Variants in PAX5 observed in about 807,000 individuals in gnomAD.
PAX5 encodes the protein paired box protein Pax-5.
PAX5 carries 9 observed loss-of-function variants against 43.7 expected under a neutral mutation model. The ratio of observed to expected loss-of-function variants is 0.21; its 90% confidence interval spans 0.12 to 0.36. PAX5 has a LOEUF of 0.36. Among genes scored for constraint, PAX5 ranks in the 10% least tolerant of loss-of-function variants. The probability of loss-of-function intolerance (pLI) is 1.00; values close to 1 mark genes in which losing one functional copy is unlikely to be tolerated. For synonymous variants in PAX5, 228 were observed against 214.3 expected (o/e 1.06, Z -0.56); for missense variants, 383 against 532.7 (o/e 0.72, Z 2.77).
At chr9:36,850,841 C>T (rs1823090370) in intron 8 of PAX5, among the ~76,000 whole-genome samples, 1 of 152,180 alleles carries the variant, frequency 6.6e-6, no homozygotes, top group Non-Finnish European at 1.5e-5. Flanking sequence ...AAACACGTGC[C>T]TCCAACTTCT....
chr9:36,835,579 G>A lies in PAX5; in HGVS notation c.*4981C>T. 4.3e-6 allele frequency: 1 copy of A among 233,452 alleles called. No homozygotes were observed. Among genetic ancestry groups the A allele is most frequent in the Non-Finnish European group, 8.5e-6 (1 of 118,104 alleles). 14.5% of individuals were successfully genotyped at this position (233,452 alleles called of 1,614,324 possible). A position where few individuals can be genotyped will look rare whatever the true frequency, so the allele number is the denominator to read the frequency against. On this transcript the variant is annotated 3_prime_UTR_variant, in exon 10 of 10. Transcript: ENST00000358127. Reference sequence around the variant, plus strand: ...GGGGCAAGGGGCTGAAGGGGCTGCTGGGAGGTGGGGCACGCCGTGGGCTAG... The same window carrying A: ...GGGGCAAGGGGCTGAAGGGGCTGCTAGGAGGTGGGGCACGCCGTGGGCTAG...
At chr9:37,005,120 A>AAT (rs1838280806) in intron 4 of PAX5, among the ~76,000 whole-genome samples, 1 of 152,214 alleles carries the variant, frequency 6.6e-6, no homozygotes, top group Non-Finnish European at 1.5e-5. Flanking sequence ...GCTACAAGTG[A>AAT]AATCTCAGCC....
chr9:37,032,788 G>A (rs1040113034), intron 1 of PAX5, among the ~76,000 whole-genome samples: 1 of 152,200 alleles, frequency 6.6e-6, no homozygotes, highest in Non-Finnish European at 1.5e-5. Flanking sequence ...AGGGCAGATG[G>A]AGGCCTACTG....
intron 7 of PAX5, among the ~76,000 whole-genome samples, chr9:36,904,339 C>T (rs1164023893): frequency 1.3e-5 from 2 of 152,164 alleles, no homozygotes; most frequent in Non-Finnish European, 1.5e-5. Flanking sequence ...CCACACTATC[C>T]TTAACATGGG....
At chr9:36,976,117 TC>T (rs1398739431) in intron 5 of PAX5, among the ~76,000 whole-genome samples, 1 of 152,182 alleles carries the variant, frequency 6.6e-6, no homozygotes, top group African/African-American at 2.4e-5. Flanking sequence ...CTCGCCTACT[TC>T]TAAGACAGAT....
chr9:36,987,883 G>A (rs1351997622), intron 5 of PAX5, among the ~76,000 whole-genome samples: 1 of 152,210 alleles, frequency 6.6e-6, no homozygotes, highest in Admixed American at 6.5e-5. Context: ...GTTCTTAACT[G>A]ATAAAATGTG....
chr9:36,920,075 G>A (rs1830042456), intron 7 of PAX5, among the ~76,000 whole-genome samples: 1 of 152,132 alleles, frequency 6.6e-6, no homozygotes, highest in South Asian at 2.1e-4. Flanking sequence ...ATCTCATGAT[G>A]AAACTTTAGT....
Position 36,834,420 on chromosome 9 carries a change from G to GTGTGTGTA in PAX5, c.*6139_*6140insTACACACA. 6.3e-6 allele frequency: 1 copy of GTGTGTGTA among 159,052 alleles called. No individual in the cohort carries two copies. Among genetic ancestry groups the GTGTGTGTA allele is most frequent in the Non-Finnish European group, 1.1e-5 (1 of 90,674 alleles). 9.9% of individuals were successfully genotyped at this position (159,052 alleles called of 1,614,324 possible). On this transcript the variant is annotated 3_prime_UTR_variant, in exon 10 of 10. Coordinates refer to ENST00000358127, the MANE Select transcript of PAX5 (RefSeq NM_016734.3). ...CTGAGGTGTAGGGGAGTGAGTGAGT[G>GTGTGTGTA]TGTGTGTGTGTGTGTGTGTGTGTGT...
In PAX5 at chr9:37,005,838, C is replaced by T. The variant is rs554143058; in HGVS notation, c.475+635G>A. The stretch of plus-strand genomic sequence containing the variant: ...CCTTAAATAGACACATGTCATTTCA[C>T]AATCTTTGAAGGGAAGACAAAGGAC... On this transcript the variant is annotated intron_variant, in intron 4 of 9. Coordinates refer to ENST00000358127, the MANE Select transcript of PAX5 (RefSeq NM_016734.3). 2.0e-5 allele frequency among the ~76,000 whole-genome samples: 3 copies of T among 152,320 alleles called. No individual in the cohort carries two copies. In the South Asian group the frequency reaches 6.2e-4, roughly 32 times the overall value.
chr9:36,993,241 T>G (rs1837086682), intron 5 of PAX5, among the ~76,000 whole-genome samples: 1 of 152,236 alleles, frequency 6.6e-6, no homozygotes, highest in African/African-American at 2.4e-5. Flanking sequence ...GTTTGGAAGA[T>G]TCGGTTCTTT....
At chr9:36,986,167 C>T (rs1836393404) in intron 5 of PAX5, among the ~76,000 whole-genome samples, 1 of 151,690 alleles carries the variant, frequency 6.6e-6, no homozygotes. Flanking sequence ...CCCGGGGCCC[C>T]GGAAAGCTGG....
At chr9:36,961,127 A>C (rs1833936764) in intron 6 of PAX5, among the ~76,000 whole-genome samples, 1 of 152,196 alleles carries the variant, frequency 6.6e-6, no homozygotes, top group African/African-American at 2.4e-5. Flanking sequence ...GTCGAGGTTC[A>C]GGCCATCCCT....
At position 36,839,523 on chromosome 9, in the gene PAX5, A is replaced by G; in HGVS notation, c.*1037T>C. ...TAATTATTGTCTACATCACCGGAAC[A>G]GGCTTGCCCAGAATCCACTTGCTGG... On this transcript the variant is annotated 3_prime_UTR_variant, in exon 10 of 10. Transcript: ENST00000358127. 1 of 233,356 alleles carries G rather than the reference A, an allele frequency of 4.3e-6. No individual in the cohort carries two copies. Among genetic ancestry groups the G allele is most frequent in the East Asian group, 6.0e-5 (1 of 16,598 alleles). 14.5% of individuals were successfully genotyped at this position (233,356 alleles called of 1,614,324 possible).
Position 36,841,162 on chromosome 9 carries a change from C to T in PAX5, c.1100-526G>A, listed in dbSNP as rs77722416. Among the ~76,000 whole-genome samples the T allele has an allele frequency of 1.5e-3, 223 of 152,348 alleles. 1 individual carries two copies. The highest frequency in any genetic ancestry group is 4.9e-3 in the African/African-American group (204 of 41,580). On this transcript the variant is annotated intron_variant, in intron 9 of 9. Transcript: ENST00000358127. ...CCAGCATCTCTGAATTCATTTCCCT[C>T]AGGGAAGGCCCCTCCTGCCCACACT... is the stretch of plus-strand genomic sequence containing the variant.
intron 7 of PAX5, among the ~76,000 whole-genome samples, chr9:36,911,069 G>C (rs576038435): frequency 8.9e-4 from 135 of 152,250 alleles, no homozygotes; most frequent in African/African-American, 2.9e-3. Context: ...ATTTTACAGA[G>C]ATCCCCCCAG....
rs77073989 is a variant in PAX5 at position 36,959,765 on chromosome 9, G to A, written c.780+6784C>T. Among the ~76,000 whole-genome samples, 381 of 152,340 alleles carry A rather than the reference G, an allele frequency of 2.5e-3. 2 individuals carry two copies. Among genetic ancestry groups the A allele is most frequent in the African/African-American group, 8.9e-3 (370 of 41,582 alleles). ...AAACTATCCATCTCTAAGAGTCAGT[G>A]GGCAGCCTGTGCTGCAACTGGGGGG... On this transcript the variant is annotated intron_variant, in intron 6 of 9. Transcript: ENST00000358127.
intron 5 of PAX5, among the ~76,000 whole-genome samples, chr9:36,979,708 C>T (rs761541856): frequency 2.0e-5 from 3 of 152,310 alleles, no homozygotes; most frequent in Non-Finnish European, 4.4e-5. Context: ...GTCTCACCTC[C>T]TCAGTGCCTT....
chr9:37,011,610 A>G (rs1838937881), intron 3 of PAX5, among the ~76,000 whole-genome samples: 1 of 152,220 alleles, frequency 6.6e-6, no homozygotes, highest in Non-Finnish European at 1.5e-5. Flanking sequence ...ACGTTTGTCC[A>G]TAAGAAGTCA....
At position 36,833,874 on chromosome 9, in the gene PAX5, T is replaced by TC; in HGVS notation, c.*6685_*6686insG. The TC allele has an allele frequency of 4.3e-6, 1 of 231,924 alleles. No individual in the cohort carries two copies. Among genetic ancestry groups the TC allele is most frequent in the African/African-American group, 2.2e-5 (1 of 45,142 alleles). The allele number at this position is 231,924 out of a possible 1,614,324, so 14.4% of individuals were successfully genotyped here. ...TGGTTTTTTTGTATTTTTTTGTATT[T>TC]TTTTTTTTTTACAAGTAAGCGTCTA... is the stretch of plus-strand genomic sequence containing the variant. On this transcript the variant is annotated 3_prime_UTR_variant, in exon 10 of 10. Coordinates refer to ENST00000358127, the MANE Select transcript of PAX5 (RefSeq NM_016734.3).
Sources: gnomAD v4.1 joint callset for allele counts (sites outside exome capture counted in the v4.1 genomes callset) on GRCh38, gnomAD v4.1.1 for gene constraint, MANE v1.5 for transcripts, NCBI Gene and HGNC (gene_info 2026-07-23, HGNC 2026-07-21) for gene names.